MAST4: variants seen among roughly 807,000 people sequenced by gnomAD.
The protein encoded by MAST4 is microtubule-associated serine/threonine-protein kinase 4.
Under a neutral mutation model 162.7 loss-of-function variants are expected in MAST4, and 89 were observed. The observed-to-expected ratio is 0.55, with a 90% CI of 0.46 to 0.65. The LOEUF is 0.65. Among genes scored for constraint, MAST4 ranks in the 30% least tolerant of loss-of-function variants. The pLI is 0.00. For missense variants in MAST4, 3,153 were observed against 3,374.0 expected, an observed-to-expected ratio of 0.93 and a Z score of 1.62; for synonymous variants, 1,479 against 1,361.1, an observed-to-expected ratio of 1.09 and a Z score of -1.91.
chr5:67,068,609 T>C (rs75393575), intron 5 of MAST4, among the ~76,000 whole-genome samples: 6,651 of 152,244 alleles, frequency 0.044, 422 homozygotes, highest in African/African-American at 0.14. Flanking sequence ...CCAAGCCATA[T>C]TATCTGTCAA....
intron 3 of MAST4, among the ~76,000 whole-genome samples, chr5:66,871,838 C>T (rs1355926046): frequency 2.6e-5 from 4 of 152,176 alleles, no homozygotes; most frequent in African/African-American, 9.7e-5. Flanking sequence ...AACTGATCAT[C>T]AGATGTCCTG....
intron 1 of MAST4, among the ~76,000 whole-genome samples, chr5:66,692,668 G>T (rs936339849): frequency 6.6e-6 from 1 of 152,134 alleles, no homozygotes. Context: ...CAACTTGTTT[G>T]CATATCATTC....
intron 4 of MAST4, among the ~76,000 whole-genome samples, chr5:66,970,295 G>C (rs919042224): frequency 6.6e-6 from 1 of 152,214 alleles, no homozygotes; most frequent in Non-Finnish European, 1.5e-5. Context: ...TGGGGTAGGA[G>C]ACTTCAAGTG....
intron 3 of MAST4, among the ~76,000 whole-genome samples, chr5:66,805,865 G>A (rs560847407): frequency 6.6e-6 from 1 of 152,278 alleles, no homozygotes; most frequent in East Asian, 1.9e-4. Context: ...TTCTTTCGAC[G>A]TGGAAGTTTG....
intron 3 of MAST4, among the ~76,000 whole-genome samples, chr5:66,837,280 C>G (rs771426447): frequency 1.3e-5 from 2 of 152,030 alleles, no homozygotes; most frequent in Admixed American, 6.6e-5. Flanking sequence ...TTTTCTTTTT[C>G]TTCATCATTA....
chr5:66,866,745 G>A (rs931219142), intron 3 of MAST4, among the ~76,000 whole-genome samples: 2 of 152,098 alleles, frequency 1.3e-5, no homozygotes, highest in Non-Finnish European at 2.9e-5. Context: ...TCTTTTTTAT[G>A]TTGTTGCTTT....
chr5:66,603,657 C>A (rs1299174191), intron 1 of MAST4, among the ~76,000 whole-genome samples: 1 of 152,212 alleles, frequency 6.6e-6, no homozygotes, highest in Non-Finnish European at 1.5e-5. Context: ...GATTACCTAA[C>A]ACAAATTCTG....
At chr5:66,995,158 A>G (rs1252451025) in intron 4 of MAST4, among the ~76,000 whole-genome samples, 1 of 108,770 alleles carries the variant, frequency 9.2e-6, no homozygotes, top group African/African-American at 2.7e-5. Flanking sequence ...AGAGTAGGAA[A>G]GACTTCTTTT....
At chr5:67,042,566 G>A (rs1258776436) in intron 4 of MAST4, among the ~76,000 whole-genome samples, 4 of 149,710 alleles carry the variant, frequency 2.7e-5, no homozygotes, top group African/African-American at 9.9e-5. Flanking sequence ...GCTATTCTTC[G>A]CTCCTTAGAG....
At chr5:66,892,772 T>A (rs757808167) in intron 3 of MAST4, among the ~76,000 whole-genome samples, 25 of 152,036 alleles carry the variant, frequency 1.6e-4, no homozygotes, top group Non-Finnish European at 3.1e-4. Context: ...GGGGAAAAAA[T>A]TGGAACTGGA....
At chr5:67,090,966 A>G (rs1034634107) in intron 6 of MAST4, among the ~76,000 whole-genome samples, 7 of 152,080 alleles carry the variant, frequency 4.6e-5, no homozygotes, top group Non-Finnish European at 1.0e-4. Context: ...CTGCCCAGGA[A>G]AAACACCGAG....
At chr5:66,633,320 G>A (rs150531035) in intron 1 of MAST4, among the ~76,000 whole-genome samples, 12 of 152,132 alleles carry the variant, frequency 7.9e-5, no homozygotes, top group African/African-American at 2.9e-4. Flanking sequence ...CCACCTCCAG[G>A]TTGTATGAGC....
intron 4 of MAST4, chr5:66,930,928 T>A: frequency 6.9e-6 from 2 of 290,256 alleles, no homozygotes; most frequent in Non-Finnish European, 1.4e-5. Context: ...TTCTTCCAGC[T>A]GCGTAGGGTA....
rs984896509 is a variant in MAST4 at position 67,143,623 on chromosome 5, A to G, written c.2731-1046A>G. Among the ~76,000 whole-genome samples the G allele has an allele frequency of 7.2e-5, 11 of 152,078 alleles. No individual in the cohort carries two copies. The South Asian group carries it at 1.7e-3, about 23-fold the overall frequency. On this transcript the variant is annotated intron_variant, in intron 21 of 28. Transcript: ENST00000403625. ...TTAAAGTGCTCCGTAGCTTTTTCTA[A>G]ATGATTACCTAGATGCACCTGCAAA...
intron 3 of MAST4, among the ~76,000 whole-genome samples, chr5:66,808,941 G>T (rs1481822776): frequency 2.0e-5 from 3 of 152,170 alleles, no homozygotes; most frequent in African/African-American, 7.2e-5. Flanking sequence ...ACTCTGAATT[G>T]TAAGAAGCAT....
At chr5:66,774,346 C>T (rs936339524) in intron 2 of MAST4, among the ~76,000 whole-genome samples, 25 of 152,152 alleles carry the variant, frequency 1.6e-4, no homozygotes, top group African/African-American at 5.1e-4. Flanking sequence ...GCTGCAGTGG[C>T]GTATACGTAA....
At chr5:66,785,328 G>A (rs116512261) in intron 2 of MAST4, among the ~76,000 whole-genome samples, 99 of 152,310 alleles carry the variant, frequency 6.5e-4, no homozygotes, top group African/African-American at 2.1e-3. Context: ...CTTTCCAGGT[G>A]CTTTTCTCTT....
rs1173071544 is a variant in MAST4, at chr5:66,648,079, TGTGTGAGA to T, written c.363+51063_363+51070del. Among the ~76,000 whole-genome samples the T allele has an allele frequency of 2.3e-3, 236 of 103,664 alleles. 1 individual carries two copies. The highest frequency in any genetic ancestry group is 4.9e-3 in the South Asian group (15 of 3,062). The allele number at this position is 103,664 out of a possible 152,430, so 68.0% of individuals were successfully genotyped here. On this transcript the variant is annotated intron_variant, in intron 1 of 28. Coordinates refer to ENST00000403625, the MANE Select transcript of MAST4 (RefSeq NM_001164664.2). ...GTGTGTGTGTGTGTGTGTGTGTGTG[TGTGTGAGA>T]GAGAGAGAGAGAGAGAGATTTAGTA...
At chr5:67,138,906 T>C (rs984822587) in intron 19 of MAST4, among the ~76,000 whole-genome samples, 3 of 152,208 alleles carry the variant, frequency 2.0e-5, no homozygotes, top group Admixed American at 1.3e-4. Flanking sequence ...CCAGGAAAAC[T>C]TGGATCCTTG....
Sources: allele counts gnomAD v4.1 joint callset (sites outside exome capture counted in the v4.1 genomes callset), GRCh38; gene constraint gnomAD v4.1.1; transcripts MANE v1.5; gene names NCBI Gene and HGNC (gene_info 2026-07-23, HGNC 2026-07-21).